Variants in ACAD10 observed in about 807,000 individuals in gnomAD.
ACAD10 encodes the protein ACAD-10.
Under a neutral mutation model 116.8 loss-of-function variants are expected in ACAD10, and 112 were observed. The ratio of observed to expected loss-of-function variants is 0.96; its 90% CI spans 0.82 to 1.12. The LOEUF is 1.12. Among genes scored for constraint, ACAD10 ranks in the 50% most tolerant of loss-of-function variants. The pLI, the probability that ACAD10 is intolerant of heterozygous loss-of-function variation, is 0.00. For synonymous variants in ACAD10, 486 were observed against 510.6 expected (o/e 0.95, Z 0.65); for missense variants, 1,259 against 1,350.2 (o/e 0.93, Z 1.06).
chr12:111,744,882 C>G lies in ACAD10; in HGVS notation c.1954C>G (p.Leu652Val). 2 of 1,614,196 alleles carry G rather than the reference C, an allele frequency of 1.2e-6. No individual in the cohort carries two copies. Among genetic ancestry groups the G allele is most frequent in the Non-Finnish European group, 1.7e-6 (2 of 1,180,032 alleles). Residue 652 changes from leucine to valine, a missense_variant, in exon 13 of 21, where the codon CTG (leucine) becomes GTG (valine). Leu to Val is a conservative substitution (Grantham distance 32, BLOSUM62 1). Coordinates refer to ENST00000313698, the MANE Select transcript of ACAD10 (RefSeq NM_025247.6). ...ASPAHTSRGG[L>V]VISPESLSPP... ...CCCAGCTCATACCTCAAGGGGAGGT[C>G]TGGTTATCTCTCCAGAGAGCCTCTC... is the stretch of plus-strand genomic sequence containing the variant.
chr12:111,700,514 G>C (rs1888317088), intron 2 of ACAD10, among the ~76,000 whole-genome samples: 1 of 152,082 alleles, frequency 6.6e-6, no homozygotes, highest in South Asian at 2.1e-4. Context: ...GGTTGTGCTT[G>C]TTTACGCTCC....
chr12:111,694,848 A>G (rs1424440376), intron 2 of ACAD10, among the ~76,000 whole-genome samples: 1 of 152,160 alleles, frequency 6.6e-6, no homozygotes, highest in Non-Finnish European at 1.5e-5. Flanking sequence ...CAACCTGGTG[A>G]AACCTTGTCT....
In ACAD10 at chr12:111,734,044, C is replaced by T; in HGVS notation, c.1516C>T (p.Pro506Ser). 7 of 1,614,208 alleles carry T rather than the reference C, an allele frequency of 4.3e-6. No homozygotes were observed. The highest frequency in any genetic ancestry group is 2.7e-5 in the African/African-American group (2 of 75,052). ...VAYSCLAHYLPSSFPVLRGIN... is the reference protein window; with the variant it reads ...VAYSCLAHYLSSSFPVLRGIN... The stretch of plus-strand genomic sequence containing the variant: ...CTACAGCTGCCTGGCTCATTACCTG[C>T]CATCCAGTTTTCCCGTGCTGAGAGG... Residue 506 changes from proline to serine, a missense_variant, in exon 11 of 21, where the codon CCA becomes TCA. Transcript: ENST00000313698.
At chr12:111,696,098 G>T (rs1483191400) in intron 2 of ACAD10, among the ~76,000 whole-genome samples, 2 of 149,120 alleles carry the variant, frequency 1.3e-5, no homozygotes, top group Non-Finnish European at 3.0e-5. Flanking sequence ...ATCGCGCTCT[G>T]TTTCTTAGGC....
intron 2 of ACAD10, among the ~76,000 whole-genome samples, chr12:111,697,624 G>C (rs1429189087): frequency 7.2e-6 from 1 of 138,404 alleles, no homozygotes; most frequent in Non-Finnish European, 1.5e-5. Context: ...TTGCTCTGTC[G>C]CCCAGGTTGG....
chr12:111,695,939 G>A (rs1275628384), intron 2 of ACAD10, among the ~76,000 whole-genome samples: 3 of 151,504 alleles, frequency 2.0e-5, no homozygotes, highest in Non-Finnish European at 2.9e-5. Context: ...ACTTGAACCC[G>A]GGAAACAGAG....
At chr12:111,756,090 C>A in intron 20 of ACAD10, 1 of 1,362,140 alleles carries the variant, frequency 7.3e-7, no homozygotes, top group Non-Finnish European at 9.6e-7. Context: ...TAGATCCTAA[C>A]CCCCGGCCCC....
chr12:111,756,466 G>GC lies in ACAD10; in HGVS notation c.3174dup (p.Ile1059HisfsTer76), dbSNP rs775170333. 7 of 1,612,022 alleles carry GC rather than the reference G, an allele frequency of 4.3e-6. No individual in the cohort carries two copies. Among genetic ancestry groups the GC allele is most frequent in the Non-Finnish European group, 5.9e-6 (7 of 1,179,718 alleles). On this transcript the variant is annotated frameshift_variant, in exon 21 of 21. Coordinates refer to ENST00000313698, the MANE Select transcript of ACAD10 (RefSeq NM_025247.6). LOFTEE classifies it high-confidence loss of function. ...GTGGCCAAGCTAGAGCTGAAGCACC[G>GC]CATTTAGAGCCTTGGGGCTGCAGTG...
At chr12:111,723,009 G>C (rs1442640626) in intron 8 of ACAD10, among the ~76,000 whole-genome samples, 1 of 147,670 alleles carries the variant, frequency 6.8e-6, no homozygotes, top group Admixed American at 6.7e-5. Context: ...GTGGCCGGGC[G>C]GGGGGCTGAC....
chr12:111,742,337 G>C (rs60350179), intron 12 of ACAD10, among the ~76,000 whole-genome samples: 2,374 of 152,228 alleles, frequency 0.016, 72 homozygotes, highest in African/African-American at 0.054. Context: ...TGTGCAGTCC[G>C]AGGAATAAGG....
At chr12:111,724,764 G>A (rs1027693102) in intron 8 of ACAD10, among the ~76,000 whole-genome samples, 20 of 151,918 alleles carry the variant, frequency 1.3e-4, no homozygotes, top group African/African-American at 4.8e-4. Flanking sequence ...GCTTCGGCTC[G>A]GCATGAGAGG....
intron 5 of ACAD10, among the ~76,000 whole-genome samples, chr12:111,710,706 G>C (rs1888652239): frequency 6.6e-6 from 1 of 152,022 alleles, no homozygotes; most frequent in African/African-American, 2.4e-5. Flanking sequence ...TGTTGCCCAA[G>C]CTGGTCTCAA....
At chr12:111,746,401 T>C in intron 14 of ACAD10, 117 bp downstream of exon 14, 1 of 1,263,036 alleles carries the variant, frequency 7.9e-7, no homozygotes, top group South Asian at 1.8e-5. Context: ...CTTTTTTTTT[T>C]TTTTGAGATG....
At chr12:111,701,294 C>A (rs1888341951) in intron 2 of ACAD10, among the ~76,000 whole-genome samples, 1 of 152,196 alleles carries the variant, frequency 6.6e-6, no homozygotes, top group African/African-American at 2.4e-5. Flanking sequence ...AGTCCTTGCA[C>A]AAATGTTCCC....
intron 1 of ACAD10, 36 bp downstream of exon 1, chr12:111,686,275 C>G (rs1247638998): frequency 6.6e-6 from 1 of 152,540 alleles, no homozygotes; most frequent in Non-Finnish European, 1.5e-5. Context: ...CTATGCAGAA[C>G]TTTGCCCCTT....
chr12:111,696,472 A>G (rs952982155), intron 2 of ACAD10, among the ~76,000 whole-genome samples: 2 of 152,200 alleles, frequency 1.3e-5, no homozygotes, highest in African/African-American at 4.8e-5. Context: ...TGTGAAGTTC[A>G]TATTTCAATG....
At chr12:111,756,218 CAGGGAAGT>C in intron 20 of ACAD10, 107 bp from the exon 21 acceptor site, 1 of 1,452,734 alleles carries the variant, frequency 6.9e-7, no homozygotes, top group Non-Finnish European at 9.0e-7. Flanking sequence ...ATAGGTGCCA[CAGGGAAGT>C]CCGGGAAGAT....
At chr12:111,739,726 C>T (rs771394222) in intron 12 of ACAD10, among the ~76,000 whole-genome samples, 4 of 151,774 alleles carry the variant, frequency 2.6e-5, no homozygotes, top group Non-Finnish European at 5.9e-5. Flanking sequence ...TCACCGCAGT[C>T]TAGCCTGGGC....
At chr12:111,713,135 AC>A (rs372745025) in intron 6 of ACAD10, among the ~76,000 whole-genome samples, 1 of 152,118 alleles carries the variant, frequency 6.6e-6, no homozygotes, top group African/African-American at 2.4e-5. Flanking sequence ...ACTTGGTGAA[AC>A]CCTGTCTCTA....
Sources: allele counts gnomAD v4.1 joint callset (sites outside exome capture counted in the v4.1 genomes callset), GRCh38; gene constraint gnomAD v4.1.1; transcripts MANE v1.5; gene names NCBI Gene and HGNC (gene_info 2026-07-23, HGNC 2026-07-21).